DHX35: variants seen among roughly 807,000 people sequenced by gnomAD.
DHX35 encodes probable ATP-dependent RNA helicase DHX35.
In DHX35, 84 loss-of-function variants were observed where a neutral mutation model predicts 99.6. That is an observed-to-expected ratio of 0.84 (90% CI 0.71 to 1.01). The LOEUF (loss-of-function observed/expected upper bound fraction) is 1.01, where lower values mean the gene tolerates loss of function less well. DHX35 is among the 50% of genes least tolerant of loss of function. DHX35 has a pLI of 0.00. For synonymous variants in DHX35, 331 were observed against 316.2 expected (o/e 1.05, Z -0.50); for missense variants, 852 against 888.5 (o/e 0.96, Z 0.52).
intron 1 of DHX35, among the ~76,000 whole-genome samples, chr20:38,965,185 C>T (rs2085892769): frequency 6.6e-6 from 1 of 152,188 alleles, no homozygotes. Context: ...CATTAGTTGA[C>T]ATGGGAATAG....
intron 18 of DHX35, among the ~76,000 whole-genome samples, chr20:39,027,896 A>C (rs560705243): frequency 6.6e-6 from 1 of 152,388 alleles, no homozygotes; most frequent in East Asian, 1.9e-4. Context: ...AGCTTTATTC[A>C]TGGAAGATGT....
In DHX35 at chr20:39,009,285, C is replaced by T. The variant is rs16987757; in HGVS notation, c.1223-995C>T. On this transcript the variant is annotated intron_variant, in intron 12 of 21. Coordinates refer to ENST00000252011, the MANE Select transcript of DHX35 (RefSeq NM_021931.4). ...TCATTTGGAACTTCCTGCTGTTGGC[C>T]GTCATCCAGAACCTTCTAGTTAGAC... 4.4e-3 allele frequency among the ~76,000 whole-genome samples: 676 copies of T among 152,274 alleles called. 8 individuals are homozygous for T. The highest frequency in any genetic ancestry group is 0.016 in the African/African-American group (652 of 41,544).
chr20:38,966,740 A>G (rs1018081534), intron 1 of DHX35, among the ~76,000 whole-genome samples: 1 of 152,258 alleles, frequency 6.6e-6, no homozygotes, highest in Admixed American at 6.5e-5. Flanking sequence ...CGGTAGTACA[A>G]AAGACATGTT....
intron 20 of DHX35, 59 bp from the exon 21 acceptor site, chr20:39,034,147 T>TA: frequency 8.0e-7 from 1 of 1,247,712 alleles, no homozygotes; most frequent in South Asian, 1.2e-5. Context: ...TGTCTACCTG[T>TA]GGTTCCTGAC....
chr20:38,991,238 A>C (rs975062432), intron 5 of DHX35, among the ~76,000 whole-genome samples: 5 of 152,324 alleles, frequency 3.3e-5, no homozygotes, highest in Middle Eastern at 6.8e-3. Context: ...AATTCTGCTC[A>C]AAGATTTGCA....
rs180680235 is a variant in DHX35, at chr20:39,003,951, A to G, written c.1011+44A>G. On this transcript the variant is annotated intron_variant, in intron 11 of 21. Transcript: ENST00000252011. ...CCAAGGGTGTTGGCAGCCGTCTATA[A>G]TCATAATGATGCTCCTTTACTTGTT... 565 of 1,601,892 alleles carry G rather than the reference A, an allele frequency of 3.5e-4. 1 individual carries two copies. Among genetic ancestry groups the G allele is most frequent in the Non-Finnish European group, 4.0e-4 (469 of 1,170,450 alleles).
At chr20:39,024,761 GA>G (rs1257275123) in intron 17 of DHX35, among the ~76,000 whole-genome samples, 3 of 152,112 alleles carry the variant, frequency 2.0e-5, no homozygotes, top group African/African-American at 7.2e-5. Context: ...TATGAATGCA[GA>G]AAAAATTAAA....
In DHX35 at chr20:38,985,925, A is replaced by T. The variant is rs181242228; in HGVS notation, c.345+2149A>T. On this transcript the variant is annotated intron_variant, in intron 4 of 21. Coordinates refer to ENST00000252011, the MANE Select transcript of DHX35 (RefSeq NM_021931.4). ...ATCTCAGAGCCTAAAAACAGATTGC[A>T]TAAGCTGTTGCTTGATCTCTGTGAG... 2.0e-5 allele frequency among the ~76,000 whole-genome samples: 3 copies of T among 152,244 alleles called. No homozygotes were observed. The East Asian group carries it at 5.8e-4, about 29-fold the overall frequency.
chr20:38,966,936 G>C (rs775425467), intron 1 of DHX35, among the ~76,000 whole-genome samples: 13 of 152,270 alleles, frequency 8.5e-5, no homozygotes, highest in Admixed American at 3.9e-4. Flanking sequence ...TTGAGGACAG[G>C]CATTGTTCCA....
intron 5 of DHX35, among the ~76,000 whole-genome samples, chr20:38,990,965 C>T (rs1461816818): frequency 6.6e-6 from 1 of 152,192 alleles, no homozygotes; most frequent in Non-Finnish European, 1.5e-5. Flanking sequence ...TCTGAACTCC[C>T]AGCAGTCTGA....
At chr20:39,034,569 C>T (rs2087115146) in intron 21 of DHX35, among the ~76,000 whole-genome samples, 1 of 150,682 alleles carries the variant, frequency 6.6e-6, no homozygotes, top group Non-Finnish European at 1.5e-5. Flanking sequence ...CGCTTTCTTT[C>T]TCCTTTTGCT....
chr20:38,976,078 A>G (rs779939983), intron 3 of DHX35, among the ~76,000 whole-genome samples: 5 of 152,222 alleles, frequency 3.3e-5, no homozygotes, highest in Non-Finnish European at 7.3e-5. Context: ...GGAAGGAGAA[A>G]GAGCAGAGGC....
intron 3 of DHX35, among the ~76,000 whole-genome samples, chr20:38,976,517 ATATATG>A (rs1383943623): frequency 6.6e-6 from 1 of 151,060 alleles, no homozygotes; most frequent in Non-Finnish European, 1.5e-5. Flanking sequence ...TAATGTTTTG[ATATATG>A]TATATGTTGT....
chr20:38,999,559 A>G (rs938334949), intron 8 of DHX35, among the ~76,000 whole-genome samples: 1 of 152,128 alleles, frequency 6.6e-6, no homozygotes, highest in East Asian at 1.9e-4. Flanking sequence ...CAAGACCTCC[A>G]TTGCTTTAAG....
chr20:38,978,444 G>T, intron 3 of DHX35: 1 of 590,904 alleles, frequency 1.7e-6, no homozygotes, highest in Non-Finnish European at 3.1e-6. Context: ...ACGTACTTAG[G>T]TGGGAGAGAA....
chr20:39,038,614 G>C lies in DHX35; in HGVS notation c.*71G>C, dbSNP rs1005369696. 2 of 1,532,332 alleles carry C rather than the reference G, an allele frequency of 1.3e-6. No individual in the cohort carries two copies. The highest frequency in any genetic ancestry group is 3.7e-5 in the Admixed American group (2 of 53,584). 94.9% of individuals were successfully genotyped at this position (1,532,332 alleles called of 1,614,324 possible). Reference sequence around the variant, plus strand: ...TCCATGCTGCTGCCCCTGGTCCCAGGTGGGGTGAGCTGGCACCAGCTCCTG... The same window carrying C: ...TCCATGCTGCTGCCCCTGGTCCCAGCTGGGGTGAGCTGGCACCAGCTCCTG... On this transcript the variant is annotated 3_prime_UTR_variant, in exon 22 of 22. Coordinates refer to ENST00000252011, the MANE Select transcript of DHX35 (RefSeq NM_021931.4).
intron 18 of DHX35, 40 bp from the exon 19 acceptor site, chr20:39,028,378 G>A (rs1278871993): frequency 1.2e-6 from 2 of 1,603,322 alleles, no homozygotes; most frequent in African/African-American, 2.7e-5. Flanking sequence ...CCTAGGGCAG[G>A]CAAGGGTTTC....
At position 38,972,563 on chromosome 20, in the gene DHX35, G is replaced by C. The variant is rs765417097; in HGVS notation, c.179G>C (p.Arg60Thr). The C allele has an allele frequency of 2.5e-6, 4 of 1,603,086 alleles. No individual in the cohort carries two copies. In the Admixed American group the frequency reaches 5.0e-5, roughly 20 times the overall value. Reference protein sequence around the residue: ...QRQKLPVFKLRNHILYLIENY... With the variant: ...QRQKLPVFKLTNHILYLIENY... ...AGGTGTGTTATTCTTTTTCAGCTTAGGAATCATATTTTATACTTGATAGAA... is the reference window on the plus strand; with the variant it reads ...AGGTGTGTTATTCTTTTTCAGCTTACGAATCATATTTTATACTTGATAGAA... Residue 60 changes from arginine to threonine, a missense_variant, in exon 3 of 22, where the codon AGG becomes ACG. Arg to Thr is a moderately conservative substitution (Grantham distance 71). Transcript: ENST00000252011.
intron 6 of DHX35, among the ~76,000 whole-genome samples, chr20:38,992,058 G>T (rs1042546771): frequency 6.6e-6 from 1 of 152,128 alleles, no homozygotes. Flanking sequence ...GTGTTCTGTG[G>T]GGTTATAGGT....
Sources: allele counts gnomAD v4.1 joint callset (sites outside exome capture counted in the v4.1 genomes callset), GRCh38; gene constraint gnomAD v4.1.1; transcripts MANE v1.5; gene names NCBI Gene and HGNC (gene_info 2026-07-23, HGNC 2026-07-21).